The following SI variants were observed in gnomAD, a reference collection of about 807,000 sequenced individuals.
SI encodes sucrase-isomaltase, intestinal.
In SI, 235 loss-of-function variants were observed where a neutral mutation model predicts 253.3. That is an observed-to-expected ratio of 0.93 (90% CI 0.83 to 1.03). SI has a LOEUF of 1.03. SI is among the 50% of genes least tolerant of loss of function. The probability of loss-of-function intolerance (pLI) is 0.00; values close to 1 mark genes in which losing one functional copy is unlikely to be tolerated. For synonymous variants in SI, 819 were observed against 712.0 expected (o/e 1.15, Z -2.39); for missense variants, 2,442 against 2,211.1 (o/e 1.10, Z -2.09).
chr3:165,016,367 C>T (rs1271722573), intron 31 of SI, among the ~76,000 whole-genome samples: 1 of 151,752 alleles, frequency 6.6e-6, no homozygotes, highest in African/African-American at 2.4e-5. Context: ...TTATGTAATC[C>T]TCAAAGGAAA....
chr3:165,050,932 A>G (rs1389178820), intron 13 of SI, among the ~76,000 whole-genome samples: 1 of 151,994 alleles, frequency 6.6e-6, no homozygotes, highest in Non-Finnish European at 1.5e-5. Flanking sequence ...CAATCATTAA[A>G]CCTATCTTTC....
chr3:165,041,360 A>G (rs1247076668), intron 17 of SI, among the ~76,000 whole-genome samples: 1 of 152,050 alleles, frequency 6.6e-6, no homozygotes, highest in African/African-American at 2.4e-5. Context: ...TTTTTACAAA[A>G]TAGAATTTTT....
intron 17 of SI, 75 bp from the exon 18 acceptor site, chr3:165,041,169 T>C: frequency 2.2e-6 from 3 of 1,371,108 alleles, no homozygotes; most frequent in Non-Finnish European, 3.1e-6. Context: ...CATTTTAATC[T>C]GCTTTTTAAA....
chr3:165,058,900 A>ACACCCAC, intron 12 of SI, 63 bp downstream of exon 12: 1 of 1,389,760 alleles, frequency 7.2e-7, no homozygotes, highest in Non-Finnish European at 1.0e-6. Flanking sequence ...ACATCCACAG[A>ACACCCAC]AACTTTATTA....
intron 16 of SI, among the ~76,000 whole-genome samples, chr3:165,044,345 T>C (rs990831072): frequency 2.0e-5 from 3 of 151,926 alleles, no homozygotes; most frequent in African/African-American, 7.2e-5. Flanking sequence ...ATAATGTGCA[T>C]TGTATAATCG....
chr3:165,058,036 AAAC>A (rs1276043457), intron 12 of SI, among the ~76,000 whole-genome samples: 1 of 142,596 alleles, frequency 7.0e-6, no homozygotes, highest in Non-Finnish European at 1.5e-5. Flanking sequence ...TCAGGCCAAA[AAAC>A]AAGTCTTAAA....
Position 164,996,585 on chromosome 3 carries a change from G to A in SI, c.4642C>T (p.Leu1548Phe). The change falls in exon 40 of 48, where the codon CTT (leucine) becomes TTT (phenylalanine). Residue 1548 changes from leucine to phenylalanine, a missense_variant. Physicochemically the swap from Leu to Phe is conservative, Grantham distance 22 (BLOSUM62 0). Coordinates refer to ENST00000264382, the MANE Select transcript of SI (RefSeq NM_001041.4). ...EYHLCTRWMQ[L>F]GAFYPYSRNH... ...CTTGAGTATGGATAAAATGCTCCAA[G>A]TTGCATCCAGCGGGTACAGAGATGA... is the stretch of plus-strand genomic sequence containing the variant. The A allele has an allele frequency of 6.2e-7, 1 of 1,609,588 alleles. No individual in the cohort carries two copies. The highest frequency in any genetic ancestry group is 8.5e-7 in the Non-Finnish European group (1 of 1,176,554).
intron 18 of SI, among the ~76,000 whole-genome samples, chr3:165,040,630 ATACTT>A (rs1403101213): frequency 6.6e-6 from 1 of 152,006 alleles, no homozygotes; most frequent in Non-Finnish European, 1.5e-5. Context: ...TATTTAGTTT[ATACTT>A]TCAATATTTA....
rs142511864 is a variant in SI at position 165,032,972 on chromosome 3, C to T, written c.2566-280G>A. Among the ~76,000 whole-genome samples, 9 of 151,330 alleles carry T rather than the reference C, an allele frequency of 5.9e-5. No homozygotes were observed. The South Asian group carries it at 1.7e-3, about 28-fold the overall frequency. On this transcript the variant is annotated intron_variant, in intron 23 of 47. Transcript: ENST00000264382. ...ATTGATGAAGAATAATTTAGCTTTG[C>T]TAAAGAAGAATGTATGAAAAAACCC...
chr3:165,045,848 A>ATTTT (rs74590097), intron 16 of SI, among the ~76,000 whole-genome samples: 1 of 120,816 alleles, frequency 8.3e-6, no homozygotes. Context: ...ATGTTTTTCA[A>ATTTT]TTTTTTTTTT....
At chr3:165,036,563 C>T (rs1712542817) in intron 21 of SI, 86 bp from the exon 22 acceptor site, 1 of 864,342 alleles carries the variant, frequency 1.2e-6, no homozygotes, top group East Asian at 2.6e-5. Context: ...TTCAACCTGT[C>T]TGTTTTATGG....
intron 44 of SI, among the ~76,000 whole-genome samples, chr3:164,990,914 T>G (rs1717702175): frequency 6.7e-6 from 1 of 150,294 alleles, no homozygotes; most frequent in African/African-American, 2.5e-5. Flanking sequence ...AAAAAATGAA[T>G]AGCATTGGAC....
intron 9 of SI, among the ~76,000 whole-genome samples, chr3:165,060,392 T>A (rs1713927994): frequency 6.6e-6 from 1 of 151,896 alleles, no homozygotes; most frequent in South Asian, 2.1e-4. Flanking sequence ...TCCACCACAC[T>A]CCTATTTTCT....
Position 165,043,110 on chromosome 3 carries a change from T to A in SI, c.1953A>T (p.Gln651His). The A allele has an allele frequency of 6.2e-7, 1 of 1,612,798 alleles. No homozygotes were observed. The highest frequency in any genetic ancestry group is 8.5e-7 in the Non-Finnish European group (1 of 1,179,226). ...TGGAAAATGGATAAAATGCCCCAAGTTGCATCCATCTTCTGCAAAGTTCTT... is the reference window on the plus strand; with the variant it reads ...TGGAAAATGGATAAAATGCCCCAAGATGCATCCATCTTCTGCAAAGTTCTT... ...TTEELCRRWMQLGAFYPFSRN... is the reference protein window; with the variant it reads ...TTEELCRRWMHLGAFYPFSRN... Residue 651 changes from glutamine to histidine, a missense_variant, in exon 17 of 48, where the codon CAA becomes CAT. Gln to His is a conservative substitution (Grantham distance 24). Transcript: ENST00000264382.
chr3:165,068,666 C>T (rs1714384976), intron 5 of SI, 56 bp downstream of exon 5: 1 of 1,306,556 alleles, frequency 7.7e-7, no homozygotes, highest in Admixed American at 1.7e-5. Flanking sequence ...AGCCACCGCG[C>T]CCAGCCCATC....
At chr3:165,033,482 T>G (rs769153670) in intron 22 of SI, 38 bp from the exon 23 acceptor site, 1 of 1,451,172 alleles carries the variant, frequency 6.9e-7, no homozygotes, top group Non-Finnish European at 9.2e-7. Flanking sequence ...CAAAATGCAA[T>G]GTTAAATTCT....
At position 165,046,911 on chromosome 3, in the gene SI, G is replaced by T. The variant is rs749245440; in HGVS notation, c.1817C>A (p.Thr606Asn). ...RHAAHWLGDN[T>N]ASWEQMEWSI... ...CCATTCCATTTGTTCCCATGAAGCA[G>T]TATTGTCTCCTAACCAATGCGCAGC... Residue 606 changes from threonine (T) to asparagine (N), a missense_variant, in exon 16 of 48, where the codon ACT becomes AAT. Coordinates refer to ENST00000264382, the MANE Select transcript of SI (RefSeq NM_001041.4). The T allele has an allele frequency of 1.2e-6, 2 of 1,613,166 alleles. No individual in the cohort carries two copies. The highest frequency in any genetic ancestry group is 2.2e-5 in the South Asian group (2 of 90,998).
chr3:165,088,869 C>T, the SI span, among the ~76,000 whole-genome samples: 2 of 151,790 alleles, frequency 1.3e-5, no homozygotes, highest in South Asian at 4.1e-4. Flanking sequence ...AAGAACTAAA[C>T]TTTAACTATG....
At chr3:165,048,772 C>T (rs954750912) in intron 15 of SI, among the ~76,000 whole-genome samples, 1 of 151,676 alleles carries the variant, frequency 6.6e-6, no homozygotes, top group African/African-American at 2.4e-5. Flanking sequence ...TGCCTGCCAC[C>T]TCGCCCAGCT....
Sources: allele counts gnomAD v4.1 joint callset (sites outside exome capture counted in the v4.1 genomes callset), GRCh38; gene constraint gnomAD v4.1.1; transcripts MANE v1.5; gene names NCBI Gene and HGNC (gene_info 2026-07-23, HGNC 2026-07-21).